The following SPATS2 variants were observed in gnomAD, a reference collection of about 807,000 sequenced individuals.
SPATS2 encodes the protein spermatogenesis-associated serine-rich protein 2.
Under a neutral mutation model 63.7 loss-of-function variants are expected in SPATS2, and 38 were observed. The observed-to-expected ratio is 0.60, with a 90% confidence interval of 0.46 to 0.78. The LOEUF is 0.78. Ranked by LOEUF, SPATS2 falls within the 30% of genes least tolerant of loss-of-function variation. SPATS2 has a pLI of 0.00. For missense variants in SPATS2, 588 were observed against 666.2 expected (o/e 0.88, Z 1.29); for synonymous variants, 207 against 232.9 (o/e 0.89, Z 1.01).
At chr12:49,367,396 A>C, upstream of SPATS2, 3 of 374,222 alleles carry the variant, frequency 8.0e-6, no homozygotes, top group Non-Finnish European at 1.4e-5. Flanking sequence ...CCAGGAGAGA[A>C]GTGGGGAGGC....
chr12:49,436,419 C>T (rs1281881955), intron 2 of SPATS2, among the ~76,000 whole-genome samples: 1 of 145,848 alleles, frequency 6.9e-6, no homozygotes, highest in African/African-American at 2.6e-5. Context: ...CACCTCCCTC[C>T]CGGAGGGGGC....
intron 2 of SPATS2, among the ~76,000 whole-genome samples, chr12:49,460,465 G>A (rs915348278): frequency 1.3e-5 from 2 of 151,758 alleles, no homozygotes; most frequent in Non-Finnish European, 2.9e-5. Context: ...CAAAAAAAAA[G>A]AAAGATCTTA....
At chr12:49,508,105 AC>A (rs1174634847) in intron 9 of SPATS2, among the ~76,000 whole-genome samples, 10 of 152,194 alleles carry the variant, frequency 6.6e-5, no homozygotes, top group Admixed American at 3.3e-4. Flanking sequence ...TTTCTGTCTT[AC>A]CAGGTATTCC....
intron 2 of SPATS2, among the ~76,000 whole-genome samples, chr12:49,403,639 AC>A (rs1565704963): frequency 1.8e-4 from 26 of 147,412 alleles, no homozygotes; most frequent in African/African-American, 6.3e-4. Flanking sequence ...ACACACACAC[AC>A]AAACAAAACT....
At chr12:49,488,930 A>C (rs1946340495) in intron 4 of SPATS2, among the ~76,000 whole-genome samples, 1 of 152,156 alleles carries the variant, frequency 6.6e-6, no homozygotes, top group African/African-American at 2.4e-5. Flanking sequence ...CTTCAATTAT[A>C]TTTATTTTGT....
At chr12:49,520,255 C>T (rs141422455) in intron 11 of SPATS2, among the ~76,000 whole-genome samples, 137 of 152,180 alleles carry the variant, frequency 9.0e-4, no homozygotes, top group African/African-American at 3.1e-3. Context: ...GCTAGGATTA[C>T]GGGCATGAGC....
chr12:49,519,854 CCAGGCTGGA>C (rs1477033034), intron 11 of SPATS2, among the ~76,000 whole-genome samples: 1 of 151,668 alleles, frequency 6.6e-6, no homozygotes, highest in Non-Finnish European at 1.5e-5. Context: ...GCTCTGTCAC[CCAGGCTGGA>C]GTGCAATGGC....
At chr12:49,500,904 T>C (rs1239716144) in intron 9 of SPATS2, among the ~76,000 whole-genome samples, 1 of 152,228 alleles carries the variant, frequency 6.6e-6, no homozygotes, top group Non-Finnish European at 1.5e-5. Context: ...TCCATCCTTT[T>C]TAATTTATGC....
At chr12:49,455,626 A>ATGTT (rs781457621) in intron 2 of SPATS2, among the ~76,000 whole-genome samples, 1 of 151,740 alleles carries the variant, frequency 6.6e-6, no homozygotes, top group African/African-American at 2.4e-5. Context: ...TTGCCAGGTT[A>ATGTT]TGTTTGTTTG....
chr12:49,513,035 C>T (rs1025057564), intron 9 of SPATS2: 5 of 633,332 alleles, frequency 7.9e-6, no homozygotes, highest in Non-Finnish European at 9.6e-6. Context: ...TAACATCATG[C>T]GTAACGATTA....
intron 3 of SPATS2, among the ~76,000 whole-genome samples, chr12:49,484,195 GTGT>G (rs1334899271): frequency 2.6e-5 from 4 of 152,236 alleles, no homozygotes; most frequent in East Asian, 3.9e-4. Context: ...AAATAACTGT[GTGT>G]TGTTAATGCT....
At chr12:49,420,740 G>A (rs574460290) in intron 2 of SPATS2, among the ~76,000 whole-genome samples, 4 of 152,238 alleles carry the variant, frequency 2.6e-5, no homozygotes, top group Non-Finnish European at 4.4e-5. Flanking sequence ...TTTGGTAGGC[G>A]TGGTGGCTCA....
In SPATS2 at chr12:49,522,422, G is replaced by A. The variant is rs185924398; in HGVS notation, c.1009-329G>A. Among the ~76,000 whole-genome samples, 175 of 152,270 alleles carry A rather than the reference G, an allele frequency of 1.1e-3. 2 individuals are homozygous for A. Among genetic ancestry groups the A allele is most frequent in the Admixed American group, 7.7e-3 (118 of 15,296 alleles). ...GCTGCCTCTGTTTCTATATAAAATG[G>A]AAAGACATGGAGAATAGCCAACAGT... On this transcript the variant is annotated intron_variant, in intron 11 of 13. Transcript: ENST00000552918.
At chr12:49,374,688 C>T (rs1006120639) in intron 2 of SPATS2, among the ~76,000 whole-genome samples, 2 of 151,668 alleles carry the variant, frequency 1.3e-5, no homozygotes, top group South Asian at 2.1e-4. Context: ...AGGCTGGGTG[C>T]GGTGGCTCAC....
intron 2 of SPATS2, among the ~76,000 whole-genome samples, chr12:49,392,147 G>A (rs1391601017): frequency 6.6e-6 from 1 of 151,886 alleles, no homozygotes; most frequent in Non-Finnish European, 1.5e-5. Flanking sequence ...AATTAGTTTT[G>A]TAAACAAGTT....
chr12:49,460,393 G>A (rs139671896), intron 2 of SPATS2, among the ~76,000 whole-genome samples: 13 of 152,280 alleles, frequency 8.5e-5, no homozygotes, highest in Non-Finnish European at 1.8e-4. Context: ...GGCAGAGGTT[G>A]CAATGAGGAG....
At chr12:49,461,672 T>G (rs1945824778) in intron 3 of SPATS2, among the ~76,000 whole-genome samples, 1 of 152,242 alleles carries the variant, frequency 6.6e-6, no homozygotes, top group African/African-American at 2.4e-5. Flanking sequence ...CCTCATTCAA[T>G]TTAATTTCCA....
intron 2 of SPATS2, among the ~76,000 whole-genome samples, chr12:49,446,922 CTTTTCTTTTCTTTTTT>C (rs1243397302): frequency 6.7e-6 from 1 of 148,576 alleles, no homozygotes; most frequent in African/African-American, 2.5e-5. Flanking sequence ...CTTCTATTTT[CTTTTCTTTTCTTTTTT>C]TTTTTTTTGA....
chr12:49,489,824 C>T (rs12317050), intron 5 of SPATS2, among the ~76,000 whole-genome samples: 8,792 of 152,220 alleles, frequency 0.058, 562 homozygotes, highest in African/African-American at 0.16. Context: ...AAGAGGAAAT[C>T]ATGTGGCCAG....
Sources: gnomAD v4.1 joint callset for allele counts (sites outside exome capture counted in the v4.1 genomes callset) on GRCh38, gnomAD v4.1.1 for gene constraint, MANE v1.5 for transcripts, NCBI Gene and HGNC (gene_info 2026-07-23, HGNC 2026-07-21) for gene names.